The following TMEM171 variants were observed in gnomAD, a reference collection of about 807,000 sequenced individuals.
TMEM171 encodes the protein proline-rich protein PRP2.
In TMEM171, 16 loss-of-function variants were observed where a neutral mutation model predicts 19.1. The ratio of observed to expected loss-of-function variants is 0.84; its 90% CI spans 0.57 to 1.27. TMEM171 has a LOEUF of 1.27. Among genes scored for constraint, TMEM171 ranks in the 50% most tolerant of loss-of-function variants. TMEM171 has a pLI of 0.00. For missense variants in TMEM171, 429 were observed against 412.7 expected, an observed-to-expected ratio of 1.04 and a Z score of -0.34; for synonymous variants, 153 against 163.4, an observed-to-expected ratio of 0.94 and a Z score of 0.48.
intron 2 of TMEM171, among the ~76,000 whole-genome samples, chr5:73,127,384 A>AAAAAATATATAT: frequency 1.2e-5 from 1 of 81,696 alleles, no homozygotes; most frequent in African/African-American, 6.6e-5. Flanking sequence ...AAAAAAAAAA[A>AAAAAATATATAT]ATATATATAT....
chr5:73,120,616 G>A lies in TMEM171; in HGVS notation c.-149G>A, dbSNP rs576627809. On this transcript the variant is annotated 5_prime_UTR_variant, in exon 1 of 4. Coordinates refer to ENST00000454765, the MANE Select transcript of TMEM171 (RefSeq NM_173490.8). ...AGGGTGCAGGGCGGCCGGCGCAGCC[G>A]AGGCCGCGTGCGGAGGCGGACGCCG... The A allele has an allele frequency of 1.8e-3, 1,742 of 984,934 alleles. 3 individuals are homozygous for A. The highest frequency in any genetic ancestry group is 3.7e-3 in the Middle Eastern group (7 of 1,910). The allele number at this position is 984,934 out of a possible 1,614,324, so 61.0% of individuals were successfully genotyped here.
At chr5:73,120,758 GC>G in intron 1 of TMEM171, 62 bp downstream of exon 1, 1 of 983,738 alleles carries the variant, frequency 1.0e-6, no homozygotes, top group Non-Finnish European at 1.2e-6. Context: ...GAGCTGTGCG[GC>G]CAGGCTGGGC....
At chr5:73,127,581 C>A (rs193225239) in intron 2 of TMEM171, among the ~76,000 whole-genome samples, 2 of 150,878 alleles carry the variant, frequency 1.3e-5, no homozygotes, top group African/African-American at 2.4e-5. Context: ...GGATTACAGG[C>A]GCCTGCCACC....
rs896276259 is a variant in TMEM171, at chr5:73,131,600, C to A, written c.845C>A (p.Ser282Tyr). The change falls in exon 4 of 4, where the codon TCT (serine) becomes TAT (tyrosine). Residue 282 changes from serine to tyrosine, a missense_variant. Transcript: ENST00000454765. Reference protein sequence around the residue: ...ERDCESIYTISGTNSSSEASH... With the variant: ...ERDCESIYTIYGTNSSSEASH... ...GACTGTGAATCTATATATACCATTTCTGGGACGAATTCATCTTCTGAGGCC... is the reference window on the plus strand; with the variant it reads ...GACTGTGAATCTATATATACCATTTATGGGACGAATTCATCTTCTGAGGCC... The A allele has an allele frequency of 6.2e-7, 1 of 1,613,808 alleles. No individual in the cohort carries two copies. The highest frequency in any genetic ancestry group is 2.2e-5 in the East Asian group (1 of 44,862).
intron 2 of TMEM171, among the ~76,000 whole-genome samples, chr5:73,124,488 G>T (rs1744110416): frequency 6.6e-6 from 1 of 152,264 alleles, no homozygotes; most frequent in South Asian, 2.1e-4. Flanking sequence ...AACCTCTCCT[G>T]CCTTGGTTTA....
At chr5:73,124,585 C>T (rs991458752) in intron 2 of TMEM171, among the ~76,000 whole-genome samples, 1 of 152,146 alleles carries the variant, frequency 6.6e-6, no homozygotes, top group Non-Finnish European at 1.5e-5. Context: ...CCAGCAGTCT[C>T]CAGGTGTTTT....
At chr5:73,129,632 CA>C (rs1744279918) in intron 3 of TMEM171, among the ~76,000 whole-genome samples, 1 of 152,102 alleles carries the variant, frequency 6.6e-6, no homozygotes, top group African/African-American at 2.4e-5. Context: ...GACTCTATCT[CA>C]GGGGGAAAAA....
chr5:73,127,384 A>ATATATATATATATATATATAT (rs1554078607), intron 2 of TMEM171, among the ~76,000 whole-genome samples: 62 of 81,632 alleles, frequency 7.6e-4, no homozygotes, highest in African/African-American at 3.4e-3. Flanking sequence ...AAAAAAAAAA[A>ATATATATATATATATATATAT]ATATATATAT....
At chr5:73,123,216 T>C in intron 1 of TMEM171, 90 bp from the exon 2 acceptor site, 1 of 1,158,436 alleles carries the variant, frequency 8.6e-7, no homozygotes, top group Non-Finnish European at 1.2e-6. Flanking sequence ...GGCCTCATTG[T>C]GGTGTGATTT....
At chr5:73,124,727 A>G (rs558858355) in intron 2 of TMEM171, among the ~76,000 whole-genome samples, 1 of 152,268 alleles carries the variant, frequency 6.6e-6, no homozygotes, top group African/African-American at 2.4e-5. Context: ...TCTCCCGTGG[A>G]ATGCCTACAA....
In TMEM171 at chr5:73,120,686, C is replaced by T; in HGVS notation, c.-79C>T. ...GCAGCGCGGTCAGCCAGGCGCCGGA[C>T]CCAGCTTCAGGTAAGCTGCCCCGGC... On this transcript the variant is annotated 5_prime_UTR_variant, in exon 1 of 4. Coordinates refer to ENST00000454765, the MANE Select transcript of TMEM171 (RefSeq NM_173490.8). 1.0e-6 allele frequency: 1 copy of T among 984,212 alleles called. No homozygotes were observed. Among genetic ancestry groups the T allele is most frequent in the Non-Finnish European group, 1.2e-6 (1 of 829,606 alleles). The allele number at this position is 984,212 out of a possible 1,614,324, so 61.0% of individuals were successfully genotyped here.
chr5:73,127,384 A>AAAAAAAAAAATATAT, intron 2 of TMEM171, among the ~76,000 whole-genome samples: 1 of 81,682 alleles, frequency 1.2e-5, no homozygotes, highest in Non-Finnish European at 2.2e-5. Context: ...AAAAAAAAAA[A>AAAAAAAAAAATATAT]ATATATATAT....
Position 73,128,415 on chromosome 5 carries a change from C to G in TMEM171, c.666C>G (p.Pro222=), listed in dbSNP as rs757208216. Residue 222 remains proline, a synonymous_variant, in exon 3 of 4, where the codon CCC becomes CCG. Transcript: ENST00000454765. ...GTGACTCGGTAATAATATTTCCACCCCCTCCACCACCTTACTTTCCTGAAT... is the reference window on the plus strand; with the variant it reads ...GTGACTCGGTAATAATATTTCCACCGCCTCCACCACCTTACTTTCCTGAAT... ...TVGDSVIIFP[P]PPPPYFPESS... 1.2e-6 allele frequency: 2 copies of G among 1,614,118 alleles called. No homozygotes were observed. The highest frequency in any genetic ancestry group is 1.1e-5 in the South Asian group (1 of 91,076).
intron 2 of TMEM171, among the ~76,000 whole-genome samples, chr5:73,127,004 A>G (rs1377466751): frequency 1.3e-5 from 2 of 152,188 alleles, no homozygotes; most frequent in Non-Finnish European, 2.9e-5. Flanking sequence ...TGGAGTGAAC[A>G]GTAGCCACAG....
chr5:73,127,802 A>G (rs1017498283), intron 2 of TMEM171, among the ~76,000 whole-genome samples: 8 of 150,886 alleles, frequency 5.3e-5, no homozygotes, highest in African/African-American at 9.8e-5. Flanking sequence ...GTGCAGTGGT[A>G]CAATCATAGT....
intron 2 of TMEM171, among the ~76,000 whole-genome samples, chr5:73,124,577 A>G (rs957423761): frequency 6.6e-6 from 1 of 152,210 alleles, no homozygotes; most frequent in African/African-American, 2.4e-5. Context: ...GTCTGAGTCC[A>G]GCAGTCTCCA....
At chr5:73,127,498 A>G (rs639645) in intron 2 of TMEM171, among the ~76,000 whole-genome samples, 62,945 of 147,280 alleles carry the variant, frequency 0.43, 14,053 homozygotes, top group East Asian at 0.59. Flanking sequence ...GTGCAGTGGC[A>G]TGATCCTGGC....
In TMEM171 at chr5:73,131,715, G is replaced by A. The variant is rs1275334391; in HGVS notation, c.960G>A (p.Glu320=). The change falls in exon 4 of 4, where the codon GAG becomes GAA. Residue 320 remains glutamate, a synonymous_variant. Transcript: ENST00000454765. ...AAATFLPLSS[E]PSPP ...CTACATTCTTGCCTCTATCTTCTGA[G>A]CCTTCCCCACCGTAAACTATGGACT... 2 of 1,610,846 alleles carry A rather than the reference G, an allele frequency of 1.2e-6. No homozygotes were observed. The highest frequency in any genetic ancestry group is 1.7e-5 in the Admixed American group (1 of 59,520).
chr5:73,127,380 A>ATATATATATATATATATATATAT (rs1281485655), intron 2 of TMEM171, among the ~76,000 whole-genome samples: 7 of 61,474 alleles, frequency 1.1e-4, no homozygotes, highest in African/African-American at 4.4e-4. Context: ...AAAAAAAAAA[A>ATATATATATATATATATATATAT]AAAAATATAT....
Sources: gnomAD v4.1 joint callset for allele counts (sites outside exome capture counted in the v4.1 genomes callset) on GRCh38, gnomAD v4.1.1 for gene constraint, MANE v1.5 for transcripts, NCBI Gene and HGNC (gene_info 2026-07-23, HGNC 2026-07-21) for gene names.